The following TMEM135 variants were observed in gnomAD, a reference collection of about 807,000 sequenced individuals.
TMEM135 encodes the protein peroxisomal membrane protein 52.
TMEM135 carries 30 observed loss-of-function variants against 60.3 expected under a neutral mutation model. The ratio of observed to expected loss-of-function variants is 0.50; its 90% confidence interval spans 0.37 to 0.68. TMEM135 has a LOEUF of 0.68. TMEM135 is among the 30% of genes least tolerant of loss of function. TMEM135 has a pLI of 0.00. For synonymous variants in TMEM135, 190 were observed against 186.7 expected (o/e 1.02, Z -0.14); for missense variants, 468 against 548.8 (o/e 0.85, Z 1.47).
chr11:87,079,361 A>C (rs1856939026), intron 3 of TMEM135, among the ~76,000 whole-genome samples: 1 of 152,128 alleles, frequency 6.6e-6, no homozygotes, highest in South Asian at 2.1e-4. Context: ...TCTTTCATCC[A>C]TTTTGAATTA....
intron 3 of TMEM135, among the ~76,000 whole-genome samples, chr11:87,082,284 G>GT (rs2135156465): frequency 6.6e-6 from 1 of 152,262 alleles, no homozygotes; most frequent in South Asian, 2.1e-4. Flanking sequence ...AGTTACTTTA[G>GT]TAGCTTAATT....
intron 6 of TMEM135, among the ~76,000 whole-genome samples, chr11:87,247,853 C>A (rs371979673): frequency 6.6e-6 from 1 of 152,084 alleles, no homozygotes; most frequent in East Asian, 1.9e-4. Flanking sequence ...GTATGTTGCC[C>A]TGCACCCACT....
chr11:87,149,091 ATTC>A (rs1469376817), intron 4 of TMEM135, among the ~76,000 whole-genome samples: 2 of 151,138 alleles, frequency 1.3e-5, no homozygotes, highest in Admixed American at 6.6e-5. Flanking sequence ...AGTTCCAGAG[ATTC>A]TTATTTCTCA....
At chr11:87,079,843 CT>C (rs139184730) in intron 3 of TMEM135, among the ~76,000 whole-genome samples, 45,327 of 107,228 alleles carry the variant, frequency 0.42, 7,121 homozygotes, top group East Asian at 0.59. Context: ...CTTTTCTTTT[CT>C]TTTTTTTTTT....
intron 5 of TMEM135, among the ~76,000 whole-genome samples, chr11:87,194,779 C>G (rs1430927692): frequency 6.6e-6 from 1 of 152,078 alleles, no homozygotes; most frequent in Non-Finnish European, 1.5e-5. Flanking sequence ...CTAACTAAAT[C>G]CAGTGTACTT....
chr11:87,326,911 CTT>C lies in TMEM135; in HGVS notation c.*5596_*5597del, dbSNP rs11332885. On this transcript the variant is annotated 3_prime_UTR_variant, in exon 15 of 15. Coordinates refer to ENST00000305494, the MANE Select transcript of TMEM135 (RefSeq NM_022918.4). Reference sequence around the variant, plus strand: ...AGGCATCATTGAATCATCTGAGGACCTTTTTTTTTTTTTTTTTTTCACTAAAA... The same window carrying C: ...AGGCATCATTGAATCATCTGAGGACCTTTTTTTTTTTTTTTTTCACTAAAA... 0.26 allele frequency: 95,119 copies of C among 372,908 alleles called. 4,091 individuals carry two copies. The highest frequency in any genetic ancestry group is 0.28 in the Middle Eastern group (311 of 1,096). The allele number at this position is 372,908 out of a possible 1,614,324, so 23.1% of individuals were successfully genotyped here.
At chr11:87,167,769 CT>C (rs923686226) in intron 5 of TMEM135, among the ~76,000 whole-genome samples, 2 of 151,738 alleles carry the variant, frequency 1.3e-5, no homozygotes, top group Non-Finnish European at 1.5e-5. Context: ...CTGAAATTTC[CT>C]TTTTTTTGTT....
chr11:87,099,902 C>T (rs377753248), intron 4 of TMEM135, among the ~76,000 whole-genome samples: 13 of 152,002 alleles, frequency 8.6e-5, no homozygotes, highest in African/African-American at 2.7e-4. Flanking sequence ...AAGCTGGTCT[C>T]GAACTCCTGA....
At chr11:87,198,445 T>A (rs1400713475) in intron 5 of TMEM135, among the ~76,000 whole-genome samples, 1 of 152,072 alleles carries the variant, frequency 6.6e-6, no homozygotes, top group African/African-American at 2.4e-5. Context: ...TAAGGGTACT[T>A]CCTGAGCTGA....
At chr11:87,122,342 TTATTTTAAAACTTTAAA>T (rs1378827290) in intron 4 of TMEM135, among the ~76,000 whole-genome samples, 2 of 131,586 alleles carry the variant, frequency 1.5e-5, no homozygotes, top group Non-Finnish European at 3.3e-5. Context: ...AAATCCTGAT[TTATTTTAAAACTTTAAA>T]TATTTTAAAA....
chr11:87,190,918 T>G (rs897667931), intron 5 of TMEM135, among the ~76,000 whole-genome samples: 5 of 152,242 alleles, frequency 3.3e-5, no homozygotes, highest in African/African-American at 1.2e-4. Flanking sequence ...TATTTGCATA[T>G]CAACATAACC....
intron 10 of TMEM135, among the ~76,000 whole-genome samples, chr11:87,311,510 T>C (rs1472673528): frequency 6.6e-6 from 1 of 152,086 alleles, no homozygotes; most frequent in Non-Finnish European, 1.5e-5. Context: ...ACATGTGGTT[T>C]ATCACCAACA....
chr11:87,127,119 G>A (rs1016431588), intron 4 of TMEM135, among the ~76,000 whole-genome samples: 1 of 152,116 alleles, frequency 6.6e-6, no homozygotes, highest in Admixed American at 6.5e-5. Flanking sequence ...CATAAAAAAA[G>A]TAATCTGGTT....
intron 5 of TMEM135, among the ~76,000 whole-genome samples, chr11:87,159,192 A>G (rs1241743810): frequency 6.6e-6 from 1 of 152,202 alleles, no homozygotes; most frequent in East Asian, 1.9e-4. Context: ...AGTGTCAGAC[A>G]AAGTGTTTAA....
chr11:87,250,627 G>A (rs1004387751), intron 6 of TMEM135, among the ~76,000 whole-genome samples: 11 of 152,192 alleles, frequency 7.2e-5, no homozygotes, highest in African/African-American at 2.6e-4. Context: ...TCTGGTCAGA[G>A]AAGAGACTTG....
At chr11:87,231,609 A>T in intron 5 of TMEM135, among the ~76,000 whole-genome samples, 1 of 152,212 alleles carries the variant, frequency 6.6e-6, no homozygotes, top group East Asian at 1.9e-4. Context: ...GACAGCCAGT[A>T]AAAAATTACC....
chr11:87,103,955 A>G (rs998424892), intron 4 of TMEM135, among the ~76,000 whole-genome samples: 2 of 151,900 alleles, frequency 1.3e-5, no homozygotes, highest in African/African-American at 4.8e-5. Flanking sequence ...CCATTTGTCT[A>G]TTTTTGCTTT....
chr11:87,120,472 C>CTTTTTTTTTTTTTTTTTTTTT (rs541561365), intron 4 of TMEM135, among the ~76,000 whole-genome samples: 1 of 104,254 alleles, frequency 9.6e-6, no homozygotes, highest in Non-Finnish European at 1.8e-5. Flanking sequence ...GATGAAATTT[C>CTTTTTTTTTTTTTTTTTTTTT]TTTTTTTTTT....
At chr11:87,231,097 A>T (rs1940879494) in intron 5 of TMEM135, among the ~76,000 whole-genome samples, 1 of 152,160 alleles carries the variant, frequency 6.6e-6, no homozygotes, top group African/African-American at 2.4e-5. Flanking sequence ...GTCTAGAGAG[A>T]ATTTCCAGGC....
Sources: gnomAD v4.1 joint callset for allele counts (sites outside exome capture counted in the v4.1 genomes callset) on GRCh38, gnomAD v4.1.1 for gene constraint, MANE v1.5 for transcripts, NCBI Gene and HGNC (gene_info 2026-07-23, HGNC 2026-07-21) for gene names.